Variants in UNC5C observed in about 807,000 individuals in gnomAD.
UNC5C encodes netrin receptor UNC5C.
In UNC5C, 47 loss-of-function variants were observed where a neutral mutation model predicts 99.8. That is an observed-to-expected ratio of 0.47 (90% CI 0.37 to 0.60). The LOEUF is 0.60. Among genes scored for constraint, UNC5C ranks in the 20% least tolerant of loss-of-function variants. The pLI is 0.00. For synonymous variants in UNC5C, 487 were observed against 452.2 expected, an observed-to-expected ratio of 1.08 and a Z score of -0.98; for missense variants, 1,062 against 1,165.9, an observed-to-expected ratio of 0.91 and a Z score of 1.30.
chr4:95,524,323 T>C (rs1722441804), intron 1 of UNC5C, among the ~76,000 whole-genome samples: 2 of 152,240 alleles, frequency 1.3e-5, no homozygotes, highest in South Asian at 4.1e-4. Flanking sequence ...TCTGGGTTAT[T>C]GTGAGGATTA....
intron 1 of UNC5C, among the ~76,000 whole-genome samples, chr4:95,451,220 T>G (rs1271000623): frequency 2.6e-5 from 4 of 152,188 alleles, no homozygotes; most frequent in African/African-American, 9.7e-5. Context: ...AATAAACTGA[T>G]CTACAGGGAC....
chr4:95,173,864 C>G (rs1736226064), intron 14 of UNC5C, among the ~76,000 whole-genome samples: 1 of 152,036 alleles, frequency 6.6e-6, no homozygotes, highest in African/African-American at 2.4e-5. Flanking sequence ...GTGAATCCAT[C>G]TGGTCCTGGA....
intron 1 of UNC5C, among the ~76,000 whole-genome samples, chr4:95,363,807 G>T (rs1156428885): frequency 6.6e-6 from 1 of 152,134 alleles, no homozygotes; most frequent in African/African-American, 2.4e-5. Flanking sequence ...CTCACTCCAG[G>T]AGTCAAATTT....
intron 1 of UNC5C, among the ~76,000 whole-genome samples, chr4:95,513,684 A>G (rs537178251): frequency 6.6e-6 from 1 of 152,306 alleles, no homozygotes; most frequent in South Asian, 2.1e-4. Context: ...AGAGAGAAAC[A>G]GGTGAAGGAG....
intron 1 of UNC5C, among the ~76,000 whole-genome samples, chr4:95,415,887 C>T (rs755087133): frequency 8.6e-5 from 13 of 151,840 alleles, no homozygotes; most frequent in Non-Finnish European, 1.9e-4. Context: ...ATTTCAAGTG[C>T]CTTGAAAGTC....
At chr4:95,181,363 C>T (rs562171788) in intron 14 of UNC5C, among the ~76,000 whole-genome samples, 7 of 152,250 alleles carry the variant, frequency 4.6e-5, no homozygotes, top group South Asian at 2.1e-4. Flanking sequence ...AGCCCTGGCG[C>T]GGGAGAGCAC....
chr4:95,502,790 G>C (rs991266822), intron 1 of UNC5C, among the ~76,000 whole-genome samples: 1 of 152,032 alleles, frequency 6.6e-6, no homozygotes, highest in African/African-American at 2.4e-5. Flanking sequence ...TTAGGGAAAA[G>C]CACAGATTTA....
At chr4:95,302,331 T>C (rs917432337) in intron 2 of UNC5C, among the ~76,000 whole-genome samples, 15 of 152,208 alleles carry the variant, frequency 9.9e-5, no homozygotes, top group South Asian at 6.2e-4. Context: ...AAGCCCAAAA[T>C]GTTTCTCTGT....
chr4:95,228,572 A>G (rs1241246303), intron 7 of UNC5C, among the ~76,000 whole-genome samples: 2 of 152,220 alleles, frequency 1.3e-5, no homozygotes, highest in Non-Finnish European at 2.9e-5. Flanking sequence ...GTCTAACATT[A>G]TAAAGCTGGT....
intron 3 of UNC5C, among the ~76,000 whole-genome samples, chr4:95,299,333 G>A (rs1290161540): frequency 1.3e-5 from 2 of 152,154 alleles, no homozygotes; most frequent in Non-Finnish European, 2.9e-5. Context: ...CAAACCTGCT[G>A]ACACCTTGAG....
At chr4:95,299,131 A>G (rs1426066511) in intron 3 of UNC5C, among the ~76,000 whole-genome samples, 1 of 152,142 alleles carries the variant, frequency 6.6e-6, no homozygotes, top group East Asian at 1.9e-4. Flanking sequence ...TAAGACTTTT[A>G]AAGAGGTGAT....
intron 3 of UNC5C, among the ~76,000 whole-genome samples, chr4:95,278,938 A>G (rs75678684): frequency 0.021 from 3,267 of 152,298 alleles, 94 homozygotes; most frequent in African/African-American, 0.07. Context: ...AATAAAGTTC[A>G]TTAATTGCTT....
chr4:95,202,089 T>G, intron 12 of UNC5C, among the ~76,000 whole-genome samples: 1 of 152,202 alleles, frequency 6.6e-6, no homozygotes, highest in South Asian at 2.1e-4. Flanking sequence ...AGCTCCCATA[T>G]AGCACTTTGC....
intron 1 of UNC5C, among the ~76,000 whole-genome samples, chr4:95,473,890 AGTTTCCACCT>A: frequency 6.6e-6 from 1 of 152,220 alleles, no homozygotes; most frequent in South Asian, 2.1e-4. Context: ...TTAGGATAAT[AGTTTCCACCT>A]GATTTCAAGG....
intron 6 of UNC5C, among the ~76,000 whole-genome samples, chr4:95,244,299 T>C (rs1014351399): frequency 6.6e-6 from 1 of 152,224 alleles, no homozygotes; most frequent in African/African-American, 2.4e-5. Flanking sequence ...TGGCAAATAT[T>C]ATCTTCGATT....
intron 1 of UNC5C, among the ~76,000 whole-genome samples, chr4:95,431,056 T>G (rs891143731): frequency 6.6e-6 from 1 of 152,114 alleles, no homozygotes; most frequent in African/African-American, 2.4e-5. Context: ...CTAGCCCCTA[T>G]GTCTTTTTAC....
At position 95,317,635 on chromosome 4, in the gene UNC5C, C is replaced by T. The variant is rs182103003; in HGVS notation, c.347-15886G>A. ...ATGCTGTGAGCAGGAGGAAAATGAG[C>T]GCTATGCAGAGCCAGGCTGAGCAGT... On this transcript the variant is annotated intron_variant, in intron 2 of 15. Coordinates refer to ENST00000453304, the MANE Select transcript of UNC5C (RefSeq NM_003728.4). Among the ~76,000 whole-genome samples, 56 of 152,182 alleles carry T rather than the reference C, an allele frequency of 3.7e-4. No homozygotes were observed. In the East Asian group the frequency reaches 7.9e-3, roughly 22 times the overall value.
At chr4:95,494,517 A>G in intron 1 of UNC5C, among the ~76,000 whole-genome samples, 1 of 151,588 alleles carries the variant, frequency 6.6e-6, no homozygotes, top group Middle Eastern at 3.4e-3. Flanking sequence ...ATGCTTTTAT[A>G]GAAAGAAAGT....
intron 1 of UNC5C, among the ~76,000 whole-genome samples, chr4:95,435,487 A>G (rs758447910): frequency 4.6e-5 from 7 of 152,088 alleles, no homozygotes; most frequent in Non-Finnish European, 8.8e-5. Context: ...CATGACACAA[A>G]TTTCCCATCT....
Sources: gnomAD v4.1 joint callset for allele counts (sites outside exome capture counted in the v4.1 genomes callset) on GRCh38, gnomAD v4.1.1 for gene constraint, MANE v1.5 for transcripts, NCBI Gene and HGNC (gene_info 2026-07-23, HGNC 2026-07-21) for gene names.